The following VGLL4 variants were observed in gnomAD, a reference collection of about 807,000 sequenced individuals.
VGLL4 encodes transcription cofactor vestigial-like protein 4.
VGLL4 carries 7 observed loss-of-function variants against 21.0 expected under a neutral mutation model. The observed-to-expected ratio is 0.33, with a 90% CI of 0.19 to 0.63. The LOEUF (loss-of-function observed/expected upper bound fraction) is 0.63, where lower values mean the gene tolerates loss of function less well. Among genes scored for constraint, VGLL4 ranks in the 20% least tolerant of loss-of-function variants. The pLI, the probability that VGLL4 is intolerant of heterozygous loss-of-function variation, is 0.78. For missense variants in VGLL4, 394 were observed against 425.7 expected (o/e 0.93, Z 0.66); for synonymous variants, 222 against 173.2 (o/e 1.28, Z -2.21).
intron 1 of VGLL4, among the ~76,000 whole-genome samples, chr3:11,618,521 A>C (rs1230023411): frequency 6.6e-6 from 1 of 152,200 alleles, no homozygotes; most frequent in Non-Finnish European, 1.5e-5. Context: ...CAGCATAACC[A>C]AAGAATAGGT....
intron 1 of VGLL4, among the ~76,000 whole-genome samples, chr3:11,715,883 A>G (rs1426534236): frequency 3.3e-5 from 5 of 152,208 alleles, no homozygotes; most frequent in Admixed American, 6.5e-5. Context: ...TCAAGCCTGA[A>G]TGAAGCTCAT....
intron 2 of VGLL4, among the ~76,000 whole-genome samples, chr3:11,663,366 G>C (rs2076062496): frequency 6.6e-6 from 1 of 152,162 alleles, no homozygotes; most frequent in South Asian, 2.1e-4. Flanking sequence ...GTGAAAATCA[G>C]AACAAATTCA....
At chr3:11,576,091 G>A (rs1165812652) in intron 2 of VGLL4, among the ~76,000 whole-genome samples, 1 of 152,214 alleles carries the variant, frequency 6.6e-6, no homozygotes, top group Non-Finnish European at 1.5e-5. Flanking sequence ...TTGAGAAACA[G>A]GTCATGGCTG....
intron 2 of VGLL4, among the ~76,000 whole-genome samples, chr3:11,697,052 C>G (rs1453839443): frequency 6.6e-6 from 1 of 151,934 alleles, no homozygotes; most frequent in Non-Finnish European, 1.5e-5. Flanking sequence ...AGTACTGTCT[C>G]TTAAAACTTT....
chr3:11,646,123 A>G (rs2075787152), upstream of VGLL4, among the ~76,000 whole-genome samples: 1 of 152,210 alleles, frequency 6.6e-6, no homozygotes, highest in Non-Finnish European at 1.5e-5. Flanking sequence ...AAGAATATTT[A>G]TTGACACTAT....
At chr3:11,682,404 CAAAAAAAAAAAA>C (rs34428676) in intron 2 of VGLL4, among the ~76,000 whole-genome samples, 31 of 62,220 alleles carry the variant, frequency 5.0e-4, no homozygotes, top group Non-Finnish European at 7.3e-4. Context: ...GACCCTGTCT[CAAAAAAAAAAAA>C]AAAAAAAAAA....
intron 1 of VGLL4, among the ~76,000 whole-genome samples, chr3:11,625,002 A>AGATCTGCC (rs2075327178): frequency 6.6e-6 from 1 of 152,250 alleles, no homozygotes; most frequent in Admixed American, 6.5e-5. Flanking sequence ...GGGGATCTGC[A>AGATCTGCC]GATCTGCCTT....
Position 11,699,920 on chromosome 3 carries a change from G to A in VGLL4, c.64+3051C>T, listed in dbSNP as rs79927766. ...TTCTTCAAAAACACCAATGGGCTGT[G>A]TTCAACACAGAAGGAAAGTAAGAGT... On this transcript the variant is annotated intron_variant, in intron 2 of 5. Coordinates refer to the VGLL4 transcript ENST00000273038. Among the ~76,000 whole-genome samples the A allele has an allele frequency of 4.2e-3, 638 of 152,288 alleles. 3 individuals are homozygous for A. Among genetic ancestry groups the A allele is most frequent in the African/African-American group, 0.014 (594 of 41,558 alleles).
chr3:11,606,837 C>T (rs1255118011), intron 1 of VGLL4, among the ~76,000 whole-genome samples: 1 of 152,208 alleles, frequency 6.6e-6, no homozygotes, highest in Admixed American at 6.5e-5. Flanking sequence ...CCCTTCCACG[C>T]TGTGGAAGCT....
intron 2 of VGLL4, among the ~76,000 whole-genome samples, chr3:11,698,451 G>C (rs527873158): frequency 6.6e-6 from 1 of 152,224 alleles, no homozygotes; most frequent in African/African-American, 2.4e-5. Flanking sequence ...AGAGATTGCA[G>C]TGAGCCGTGA....
chr3:11,633,198 T>C (rs2075517042), intron 1 of VGLL4: 1 of 152,212 alleles, frequency 6.6e-6, no homozygotes, highest in Non-Finnish European at 1.5e-5. Flanking sequence ...ACTGGAGTCA[T>C]TCATAAGGAG....
chr3:11,673,744 T>C (rs1325606525), intron 2 of VGLL4, among the ~76,000 whole-genome samples: 1 of 152,088 alleles, frequency 6.6e-6, no homozygotes, highest in African/African-American at 2.4e-5. Flanking sequence ...CCAGATGTGG[T>C]GGCTCACGCA....
chr3:11,719,809 G>C lies in VGLL4; in HGVS notation c.-14+585C>G, dbSNP rs1348963315. Among the ~76,000 whole-genome samples, 1 of 152,016 alleles carries C rather than the reference G, an allele frequency of 6.6e-6. No individual in the cohort carries two copies. Among genetic ancestry groups the C allele is most frequent in the Non-Finnish European group, 1.5e-5 (1 of 67,990 alleles). ...CCGCTTTCCCTCCCCCGCCAGCTGCGCGCCCGGTGCCAGCTCGCACCTCCC... is the reference window on the plus strand; with the variant it reads ...CCGCTTTCCCTCCCCCGCCAGCTGCCCGCCCGGTGCCAGCTCGCACCTCCC... On this transcript the variant is annotated intron_variant, in intron 1 of 5. Transcript: ENST00000273038. This position sits in a 1 kb window ranked among gnomAD's most constrained non-coding sequence, Gnocchi z 4.0.
Position 11,565,083 on chromosome 3 carries a change from C to T in VGLL4, c.273-64G>A, listed in dbSNP as rs1040537448. ...AAAGGCAAAGGGGACAGTGACTGTG[C>T]GCCAGGCACTCCGTGTTGCTTATTT... On this transcript the variant is annotated intron_variant, in intron 2 of 4. Transcript: ENST00000430365. The surrounding 1 kb of genome is among the most constrained non-coding windows in gnomAD (Gnocchi z 4.1). 1.5e-5 allele frequency: 21 copies of T among 1,364,684 alleles called. No individual in the cohort carries two copies. Among genetic ancestry groups the T allele is most frequent in the South Asian group, 1.2e-4 (7 of 59,474 alleles). The allele number at this position is 1,364,684 out of a possible 1,614,324, so 84.5% of individuals were successfully genotyped here. A position where few individuals can be genotyped will look rare whatever the true frequency, so the allele number is the denominator to read the frequency against.
At chr3:11,711,993 G>A (rs1032616683) in intron 1 of VGLL4, among the ~76,000 whole-genome samples, 2 of 152,118 alleles carry the variant, frequency 1.3e-5, no homozygotes, top group Admixed American at 6.6e-5. Flanking sequence ...CAGAGTGTCC[G>A]GTGATGCCCC....
rs1342839321 is a variant in VGLL4 at position 11,629,499 on chromosome 3, G to T, written c.82+13938C>A. On this transcript the variant is annotated intron_variant, in intron 1 of 4. Transcript: ENST00000430365. ...GGGCTGGAACTGGGGGCTCACACCT[G>T]TAATCCCAGCACTTTGGGAGGCAGA... Among the ~76,000 whole-genome samples the T allele has an allele frequency of 2.6e-5, 4 of 152,256 alleles. No individual in the cohort carries two copies. In the East Asian group the frequency reaches 7.7e-4, roughly 29 times the overall value.
intron 1 of VGLL4, among the ~76,000 whole-genome samples, chr3:11,643,024 C>G (rs1402057014): frequency 2.0e-4 from 31 of 152,198 alleles, no homozygotes; most frequent in Non-Finnish European, 1.3e-4. Context: ...TGCAGGGCGC[C>G]GTGGCCCACA....
chr3:11,713,020 AAGACAT>A (rs2076869349), intron 1 of VGLL4, among the ~76,000 whole-genome samples: 1 of 152,174 alleles, frequency 6.6e-6, no homozygotes, highest in African/African-American at 2.4e-5. Context: ...ACAAACTACC[AAGACAT>A]AGCGATTTCT....
At chr3:11,701,625 G>A (rs549006583) in intron 2 of VGLL4, among the ~76,000 whole-genome samples, 1 of 152,228 alleles carries the variant, frequency 6.6e-6, no homozygotes, top group South Asian at 2.1e-4. Context: ...CACTTTGTAG[G>A]TAGGTATTGT....
Sources: gnomAD v4.1 joint callset for allele counts (sites outside exome capture counted in the v4.1 genomes callset) on GRCh38, gnomAD v4.1.1 for gene constraint, Gnocchi (gnomAD v3.1) non-coding constraint, MANE v1.5 for transcripts, NCBI Gene and HGNC (gene_info 2026-07-23, HGNC 2026-07-21) for gene names.